Variants in ATAT1 observed in about 807,000 individuals in gnomAD.
ATAT1 encodes alpha tubulin acetyltransferase 1.
Under a neutral mutation model 57.2 loss-of-function variants are expected in ATAT1, and 42 were observed. The observed-to-expected ratio is 0.73, with a 90% CI of 0.57 to 0.95. The LOEUF is 0.95. Among genes scored for constraint, ATAT1 ranks in the 40% least tolerant of loss-of-function variants. The pLI, the probability that ATAT1 is intolerant of heterozygous loss-of-function variation, is 0.00. For synonymous variants in ATAT1, 168 were observed against 187.1 expected, an observed-to-expected ratio of 0.90 and a Z score of 0.83; for missense variants, 454 against 523.7, an observed-to-expected ratio of 0.87 and a Z score of 1.30.
intron 6 of ATAT1, among the ~76,000 whole-genome samples, chr6:30,639,482 T>C (rs1478571114): frequency 1.3e-5 from 2 of 150,238 alleles, no homozygotes; most frequent in African/African-American, 2.4e-5. Context: ...TTTCTTTCTT[T>C]TTTTTTTTTT....
chr6:30,637,543 C>T (rs1026787170), intron 6 of ATAT1, among the ~76,000 whole-genome samples: 1 of 151,708 alleles, frequency 6.6e-6, no homozygotes, highest in Non-Finnish European at 1.5e-5. Context: ...ATAAGCCGGG[C>T]GTGGTGGCAT....
intron 9 of ATAT1, 104 bp from the exon 10 acceptor site, chr6:30,642,660 AAAAG>A (rs1233240780): frequency 1.1e-4 from 92 of 804,746 alleles, no homozygotes; most frequent in African/African-American, 4.2e-4. Flanking sequence ...AAAAAAAAAA[AAAAG>A]AAAGACTCAG....
Position 30,642,833 on chromosome 6 carries a change from G to GGGGCGCCCGCCCCCC in ATAT1, c.754_755insGGGCGCCCGCCCCCC (p.Ala252delinsGlyAlaProAlaProPro). On this transcript the variant is annotated protein_altering_variant, in exon 10 of 13. Coordinates refer to ENST00000330083, the MANE Select transcript of ATAT1 (RefSeq NM_001031722.4). ...GGCCCCTCGCCGCGCCACACCTCCA[G>GGGGCGCCCGCCCCCC]CCCACCCACCCCCCCGCTCCAGCAG... The GGGGCGCCCGCCCCCC allele has an allele frequency of 6.5e-7, 1 of 1,537,878 alleles. No individual in the cohort carries two copies. Among genetic ancestry groups the GGGGCGCCCGCCCCCC allele is most frequent in the Non-Finnish European group, 8.7e-7 (1 of 1,145,784 alleles).
At chr6:30,645,803 C>T in intron 10 of ATAT1, 92 bp from the exon 11 acceptor site, 1 of 881,606 alleles carries the variant, frequency 1.1e-6, no homozygotes, top group Non-Finnish European at 1.7e-6. Flanking sequence ...TGTTCCTGTG[C>T]TATTCCTTTT....
intron 7 of ATAT1, 32 bp from the exon 8 acceptor site, chr6:30,640,503 A>G (rs749256053): frequency 9.3e-6 from 15 of 1,612,280 alleles, no homozygotes; most frequent in Non-Finnish European, 1.3e-5. Context: ...CCGACCCCTC[A>G]CTGAGGGGCC....
At chr6:30,640,913 A>C (rs1222256433) in intron 8 of ATAT1, among the ~76,000 whole-genome samples, 1 of 152,196 alleles carries the variant, frequency 6.6e-6, no homozygotes. Context: ...TCTGTTAGCC[A>C]GTGAGGGACA....
intron 6 of ATAT1, among the ~76,000 whole-genome samples, chr6:30,630,339 CAG>C (rs1762582748): frequency 6.6e-6 from 1 of 150,736 alleles, no homozygotes; most frequent in African/African-American, 2.4e-5. Context: ...AAAACAAAAA[CAG>C]AAAAAAAGGC....
chr6:30,642,836 C>G lies in ATAT1; in HGVS notation c.757C>G (p.His253Asp). ...CCCTCGCCGCGCCACACCTCCAGCC[C>G]ACCCACCCCCCCGCTCCAGCAGCCT... The change falls in exon 10 of 13, where the codon CAC (histidine) becomes GAC (aspartate). Residue 253 changes from histidine to aspartate, a missense_variant. Physicochemically the swap from His to Asp is moderately conservative, Grantham distance 81. Around this residue, in one of 3 missense-constraint regions of ATAT1, gnomAD observed 216 missense variants for 222.2 expected, o/e 0.97. Coordinates refer to ENST00000330083, the MANE Select transcript of ATAT1 (RefSeq NM_001031722.4). 4.9e-6 allele frequency: 3 copies of G among 615,834 alleles called. No individual in the cohort carries two copies. Among genetic ancestry groups the G allele is most frequent in the Non-Finnish European group, 8.7e-6 (3 of 346,680 alleles). The allele number at this position is 615,834 out of a possible 1,614,324, so 38.1% of individuals were successfully genotyped here.
Position 30,642,265 on chromosome 6 carries a change from C to G in ATAT1, c.688+18C>G, listed in dbSNP as rs3132595. 78,412 of 1,613,800 alleles carry G rather than the reference C, an allele frequency of 0.049. 3,447 individuals are homozygous for G. The highest frequency in any genetic ancestry group is 0.2 in the African/African-American group (15,055 of 74,904). ...CCGAGAATGTAAGAGGGGCAAGGGT[C>G]GGGTGTCTGGGCCTGGGGTACCTTA... On this transcript the variant is annotated intron_variant, in intron 9 of 12. Coordinates refer to ENST00000330083, the MANE Select transcript of ATAT1 (RefSeq NM_001031722.4).
At chr6:30,638,186 C>A (rs1764569150) in intron 6 of ATAT1, among the ~76,000 whole-genome samples, 1 of 151,834 alleles carries the variant, frequency 6.6e-6, no homozygotes, top group African/African-American at 2.4e-5. Context: ...CCACGCCTGG[C>A]TAATTTTTAA....
At position 30,646,728 on chromosome 6, in the gene ATAT1, T is replaced by A; in HGVS notation, c.*85T>A. 1 of 1,408,194 alleles carries A rather than the reference T, an allele frequency of 7.1e-7. No individual in the cohort carries two copies. Among genetic ancestry groups the A allele is most frequent in the East Asian group, 2.6e-5 (1 of 37,954 alleles). 87.2% of individuals were successfully genotyped at this position (1,408,194 alleles called of 1,614,324 possible). ...AAGCCCAACCCTCATAATAGATGGATACATTCATTCATTCATTCATTCAGC... is the reference window on the plus strand; with the variant it reads ...AAGCCCAACCCTCATAATAGATGGAAACATTCATTCATTCATTCATTCAGC... On this transcript the variant is annotated 3_prime_UTR_variant, in exon 13 of 13. Coordinates refer to ENST00000330083, the MANE Select transcript of ATAT1 (RefSeq NM_001031722.4).
In ATAT1 at chr6:30,642,833, G is replaced by GGGGCCCCCCCCCCCCCCCCC; in HGVS notation, c.754_755insGGGCCCCCCCCCCCCCCCCC (p.Ala252GlyfsTer74). 1.3e-6 allele frequency: 2 copies of GGGGCCCCCCCCCCCCCCCCC among 1,537,850 alleles called. No individual in the cohort carries two copies. The highest frequency in any genetic ancestry group is 1.7e-6 in the Non-Finnish European group (2 of 1,145,772). ...GGCCCCTCGCCGCGCCACACCTCCAGCCCACCCACCCCCCCGCTCCAGCAG... is the reference window on the plus strand; with the variant it reads ...GGCCCCTCGCCGCGCCACACCTCCAGGGGCCCCCCCCCCCCCCCCCCCCACCCACCCCCCCGCTCCAGCAG... On this transcript the variant is annotated frameshift_variant, in exon 10 of 13. Transcript: ENST00000330083. LOFTEE classifies it high-confidence loss of function.
chr6:30,632,159 T>TG (rs1225553684), intron 6 of ATAT1, among the ~76,000 whole-genome samples: 1 of 151,146 alleles, frequency 6.6e-6, no homozygotes, highest in Non-Finnish European at 1.5e-5. Flanking sequence ...CCCAGCTGTT[T>TG]GGGAGTCTGA....
At chr6:30,634,785 G>A (rs529795449) in intron 6 of ATAT1, among the ~76,000 whole-genome samples, 3 of 149,022 alleles carry the variant, frequency 2.0e-5, no homozygotes, top group Admixed American at 6.7e-5. Context: ...TCAGAAGATC[G>A]AGACCATCCT....
chr6:30,639,915 CAT>C (rs1765046197), intron 6 of ATAT1, among the ~76,000 whole-genome samples: 3 of 152,022 alleles, frequency 2.0e-5, no homozygotes, highest in Admixed American at 2.0e-4. Context: ...AGAAGGATCA[CAT>C]GAGCCCTGGA....
chr6:30,644,481 C>A, intron 10 of ATAT1: 1 of 985,768 alleles, frequency 1.0e-6, no homozygotes, highest in Non-Finnish European at 1.2e-6. Flanking sequence ...TAGCTAGATC[C>A]CTTCCCCTCC....
chr6:30,631,538 G>T (rs140906643), intron 6 of ATAT1, among the ~76,000 whole-genome samples: 1 of 152,122 alleles, frequency 6.6e-6, no homozygotes, highest in Non-Finnish European at 1.5e-5. Flanking sequence ...TAGTACTTAG[G>T]GAGGCCGAGG....
At position 30,627,142 on chromosome 6, in the gene ATAT1, G is replaced by A. The variant is rs538207144; in HGVS notation, c.-62G>A. 1.7e-5 allele frequency: 27 copies of A among 1,608,252 alleles called. No homozygotes were observed. In the African/African-American group the frequency reaches 3.3e-4, roughly 20 times the overall value. ...GTGACCTCTGACCCTGGGCCTAGTG[G>A]GATTGATCAGCGCTTGGATCTGTGA... On this transcript the variant is annotated 5_prime_UTR_variant, in exon 1 of 13. Transcript: ENST00000330083.
intron 6 of ATAT1, among the ~76,000 whole-genome samples, chr6:30,633,171 C>G (rs1763286945): frequency 6.6e-6 from 1 of 152,162 alleles, no homozygotes; most frequent in Non-Finnish European, 1.5e-5. Context: ...AAAGCCTGAG[C>G]AGCTGGAAGA....
Sources: gnomAD v4.1 joint callset for allele counts (sites outside exome capture counted in the v4.1 genomes callset) on GRCh38, gnomAD v4.1.1 for gene constraint, gnomAD v4.1.1 regional missense constraint, MANE v1.5 for transcripts, NCBI Gene and HGNC (gene_info 2026-07-23, HGNC 2026-07-21) for gene names.